SBF2: variants seen among roughly 807,000 people sequenced by gnomAD.
SBF2 encodes the protein myotubularin-related protein 13.
Under a neutral mutation model 225.2 loss-of-function variants are expected in SBF2, and 112 were observed. The observed-to-expected ratio is 0.50, with a 90% CI of 0.43 to 0.58. The LOEUF (loss-of-function observed/expected upper bound fraction) is 0.58. Ranked by LOEUF, SBF2 falls within the 20% of genes least tolerant of loss-of-function variation. The probability of loss-of-function intolerance (pLI) is 0.00; values close to 1 mark genes in which losing one functional copy is unlikely to be tolerated. For missense variants in SBF2, 1,996 were observed against 2,206.2 expected, an observed-to-expected ratio of 0.90 and a Z score of 1.91; for synonymous variants, 763 against 773.3, an observed-to-expected ratio of 0.99 and a Z score of 0.22.
At chr11:9,975,926 G>C (rs1946658129) in intron 13 of SBF2, among the ~76,000 whole-genome samples, 1 of 152,054 alleles carries the variant, frequency 6.6e-6, no homozygotes, top group Non-Finnish European at 1.5e-5. Flanking sequence ...GAAATGTAAA[G>C]GGCGTAGATT....
chr11:9,798,194 G>C (rs1853251614), intron 32 of SBF2, among the ~76,000 whole-genome samples: 1 of 152,144 alleles, frequency 6.6e-6, no homozygotes, highest in African/African-American at 2.4e-5. Context: ...CTTATGCACA[G>C]CAAAGAAGGC....
chr11:9,824,608 T>A (rs1253379784), intron 28 of SBF2, among the ~76,000 whole-genome samples: 7 of 151,308 alleles, frequency 4.6e-5, no homozygotes. Flanking sequence ...TGAAAATCTA[T>A]GAACCTTGAG....
In SBF2 at chr11:9,866,759, T is replaced by C. The variant is rs1030048789; in HGVS notation, c.1930-8363A>G. 3.9e-5 allele frequency among the ~76,000 whole-genome samples: 6 copies of C among 152,110 alleles called. No individual in the cohort carries two copies. In the East Asian group the frequency reaches 9.6e-4, roughly 24 times the overall value. ...TACATCAAGTTAAAAAGCTTCTCCA[T>C]AGCAAAGGAAACAATTAGCAAACTA... On this transcript the variant is annotated intron_variant, in intron 17 of 39. Transcript: ENST00000256190.
At chr11:10,270,086 TTAAC>T (rs1962343714) in intron 1 of SBF2, among the ~76,000 whole-genome samples, 3 of 152,164 alleles carry the variant, frequency 2.0e-5, no homozygotes, top group Admixed American at 1.3e-4. Context: ...AACCATGAGA[TTAAC>T]TGATAAATTT....
chr11:10,184,892 A>G (rs1227685327), intron 2 of SBF2, among the ~76,000 whole-genome samples: 1 of 151,954 alleles, frequency 6.6e-6, no homozygotes, highest in Non-Finnish European at 1.5e-5. Context: ...ACGCCCGGCT[A>G]ATTTTTTGTA....
At chr11:10,225,044 GAGGGGTATGAGGAGA>G (rs1244604898) in intron 1 of SBF2, among the ~76,000 whole-genome samples, 4 of 152,272 alleles carry the variant, frequency 2.6e-5, no homozygotes, top group Non-Finnish European at 5.9e-5. Flanking sequence ...CTTGGAGATA[GAGGGGTATGAGGAGA>G]CTAATTTAAC....
chr11:10,202,885 T>C (rs1446245796), intron 1 of SBF2, among the ~76,000 whole-genome samples: 1 of 151,924 alleles, frequency 6.6e-6, no homozygotes, highest in Non-Finnish European at 1.5e-5. Flanking sequence ...CTACAACAAC[T>C]AAAAAAACAA....
intron 32 of SBF2, among the ~76,000 whole-genome samples, chr11:9,798,220 C>A (rs764404459): frequency 5.9e-5 from 9 of 152,196 alleles, no homozygotes; most frequent in Non-Finnish European, 1.0e-4. Flanking sequence ...GTTTGACTCT[C>A]TAGTAGGCCT....
chr11:9,790,683 C>T lies in SBF2; in HGVS notation c.4571G>A (p.Gly1524Glu), dbSNP rs1442416353. The change falls in exon 34 of 40, where the codon GGA becomes GAA. Residue 1524 changes from glycine to glutamate, a missense_variant and splice_region_variant. Gly to Glu is a moderately conservative substitution (Grantham distance 98). Coordinates refer to ENST00000256190, the MANE Select transcript of SBF2 (RefSeq NM_030962.4). ...LDSDYERLEHGTLFDDKGEKH... is the reference protein window; with the variant it reads ...LDSDYERLEHETLFDDKGEKH... ...TTCTCCTTTATCATCAAATAAAGTT[C>T]CTGTAGATTAAAAAAATCCAACAAA... 1 of 1,577,892 alleles carries T rather than the reference C, an allele frequency of 6.3e-7. No individual in the cohort carries two copies. Among genetic ancestry groups the T allele is most frequent in the African/African-American group, 1.4e-5 (1 of 73,872 alleles).
At chr11:9,890,728 C>A (rs886385959) in intron 17 of SBF2, among the ~76,000 whole-genome samples, 1 of 152,126 alleles carries the variant, frequency 6.6e-6, no homozygotes, top group African/African-American at 2.4e-5. Flanking sequence ...AGTAATGGGA[C>A]GGCTTTGCCA....
At chr11:10,068,502 A>G (rs1018823271) in intron 2 of SBF2, among the ~76,000 whole-genome samples, 5 of 152,330 alleles carry the variant, frequency 3.3e-5, no homozygotes, top group African/African-American at 1.2e-4. Context: ...CTAGAATAAA[A>G]GACATATTCA....
chr11:9,960,040 C>G, intron 16 of SBF2: 1 of 264,492 alleles, frequency 3.8e-6, no homozygotes, highest in Non-Finnish European at 7.4e-6. Flanking sequence ...GGCTGGAGTT[C>G]AGTGGCTATT....
At chr11:9,789,651 C>A (rs534750184) in intron 34 of SBF2, among the ~76,000 whole-genome samples, 1 of 152,180 alleles carries the variant, frequency 6.6e-6, no homozygotes, top group East Asian at 1.9e-4. Context: ...CTGGCCCCAG[C>A]CCCCTGTCCT....
At chr11:10,205,945 T>C (rs1206221349) in intron 1 of SBF2, among the ~76,000 whole-genome samples, 1 of 151,614 alleles carries the variant, frequency 6.6e-6, no homozygotes, top group Non-Finnish European at 1.5e-5. Context: ...CCCTCCCCAA[T>C]CCAGAAACAC....
At chr11:9,930,873 G>A (rs1183070025) in intron 16 of SBF2, among the ~76,000 whole-genome samples, 1 of 152,180 alleles carries the variant, frequency 6.6e-6, no homozygotes, top group Non-Finnish European at 1.5e-5. Context: ...GACTGCACCT[G>A]GAAAAACGGG....
intron 1 of SBF2, 36 bp downstream of exon 1, chr11:10,293,979 G>A (rs900894090): frequency 8.0e-5 from 104 of 1,305,664 alleles, no homozygotes; most frequent in Non-Finnish European, 8.8e-5. Flanking sequence ...CCGGGGGGCG[G>A]GGAGGCCCGG....
intron 2 of SBF2, among the ~76,000 whole-genome samples, chr11:10,144,906 A>G (rs1954817639): frequency 6.6e-6 from 1 of 152,194 alleles, no homozygotes; most frequent in South Asian, 2.1e-4. Flanking sequence ...TTAACATACT[A>G]CTTCAGGACT....
chr11:10,040,634 G>A (rs1949617526), intron 3 of SBF2, among the ~76,000 whole-genome samples: 1 of 151,940 alleles, frequency 6.6e-6, no homozygotes, highest in African/African-American at 2.4e-5. Context: ...TGGATAGTAG[G>A]TTTTATTATA....
At chr11:10,100,730 C>T (rs768460138) in intron 2 of SBF2, among the ~76,000 whole-genome samples, 69 of 151,980 alleles carry the variant, frequency 4.5e-4, no homozygotes, top group Non-Finnish European at 7.9e-4. Flanking sequence ...TTTCTGTAGC[C>T]CCATGGTGGA....
Sources: allele counts gnomAD v4.1 joint callset (sites outside exome capture counted in the v4.1 genomes callset), GRCh38; gene constraint gnomAD v4.1.1; transcripts MANE v1.5; gene names NCBI Gene and HGNC (gene_info 2026-07-23, HGNC 2026-07-21).